SUSD6: variants seen among roughly 807,000 people sequenced by gnomAD.
SUSD6 encodes the protein sushi domain containing 6, also known as sushi domain-containing protein 6.
Under a neutral mutation model 28.4 loss-of-function variants are expected in SUSD6, and 16 were observed. The observed-to-expected ratio is 0.56, with a 90% CI of 0.38 to 0.86. SUSD6 has a LOEUF of 0.86. Among genes scored for constraint, SUSD6 ranks in the 40% least tolerant of loss-of-function variants. The pLI is 0.00. For missense variants in SUSD6, 341 were observed against 384.2 expected (o/e 0.89, Z 0.94); for synonymous variants, 147 against 159.6 (o/e 0.92, Z 0.59).
chr14:69,659,859 A>G (rs573448720), intron 2 of SUSD6, among the ~76,000 whole-genome samples: 7 of 152,154 alleles, frequency 4.6e-5, no homozygotes, highest in African/African-American at 1.4e-4. Context: ...GTTGCCTTCA[A>G]CAGTGCTCCA....
chr14:69,635,606 C>CAG (rs1322648713), intron 1 of SUSD6, among the ~76,000 whole-genome samples: 1 of 115,636 alleles, frequency 8.6e-6, no homozygotes, highest in Admixed American at 8.0e-5. Context: ...CACACACACA[C>CAG]ACACACACAC....
chr14:69,653,746 A>ATTTTTT (rs1885537738), intron 1 of SUSD6, among the ~76,000 whole-genome samples: 3 of 28,894 alleles, frequency 1.0e-4, no homozygotes, highest in South Asian at 3.3e-3. Context: ...ACCTAGTGAA[A>ATTTTTT]CTTTTTTTTT....
At chr14:69,707,045 A>G (rs1886396885) in intron 4 of SUSD6, among the ~76,000 whole-genome samples, 1 of 152,124 alleles carries the variant, frequency 6.6e-6, no homozygotes, top group Non-Finnish European at 1.5e-5. Context: ...TGAAAGAAAA[A>G]CTATAGTGGA....
intron 2 of SUSD6, among the ~76,000 whole-genome samples, chr14:69,677,533 TGA>T (rs1054358371): frequency 2.3e-5 from 3 of 128,528 alleles, no homozygotes; most frequent in Admixed American, 8.8e-5. Flanking sequence ...GGCCACAGAG[TGA>T]GACTCCGTCT....
intron 2 of SUSD6, among the ~76,000 whole-genome samples, chr14:69,695,486 G>A (rs992124640): frequency 6.6e-6 from 1 of 152,182 alleles, no homozygotes; most frequent in African/African-American, 2.4e-5. Context: ...AGATCTCAGA[G>A]GTGATCTGGT....
At chr14:69,639,040 G>T (rs1035478540) in intron 1 of SUSD6, among the ~76,000 whole-genome samples, 1 of 152,084 alleles carries the variant, frequency 6.6e-6, no homozygotes, top group Non-Finnish European at 1.5e-5. Context: ...AGTAGATAAG[G>T]CCAGGCCGGG....
rs1416356852 is a variant in SUSD6, at chr14:69,639,334, A to AAG, written c.-80-19178_-80-19177insGA. 1.5e-4 allele frequency among the ~76,000 whole-genome samples: 22 copies of AAG among 150,860 alleles called. No individual in the cohort carries two copies. The South Asian group carries it at 4.0e-3, about 27-fold the overall frequency. On this transcript the variant is annotated intron_variant, in intron 1 of 5. Coordinates refer to ENST00000342745, the MANE Select transcript of SUSD6 (RefSeq NM_014734.4). The stretch of plus-strand genomic sequence containing the variant: ...GTCTCAAAAAAAAAAAAAAAAAAAA[A>AAG]AAAAAGAAATAAGGCCAAACCTAGC...
intron 2 of SUSD6, among the ~76,000 whole-genome samples, chr14:69,697,031 T>A (rs183147805): frequency 1.3e-5 from 2 of 152,314 alleles, no homozygotes; most frequent in East Asian, 3.9e-4. Flanking sequence ...AGAGGTGGAT[T>A]ATTCATTAGA....
Position 69,713,832 on chromosome 14 carries a change from G to GTTT in SUSD6, c.*2854_*2856dup, listed in dbSNP as rs1239320393. The GTTT allele has an allele frequency of 3.8e-5, 5 of 132,516 alleles. No homozygotes were observed. Among genetic ancestry groups the GTTT allele is most frequent in the African/African-American group, 1.5e-4 (5 of 33,776 alleles). 8.2% of individuals were successfully genotyped at this position (132,516 alleles called of 1,614,324 possible). ...GTTTTTTTGTTTGTTTGTTGTTGGT[G>GTTT]TTTGTTTTTTTTTTTTTTTTTTTGG... On this transcript the variant is annotated 3_prime_UTR_variant, in exon 6 of 6. Coordinates refer to ENST00000342745, the MANE Select transcript of SUSD6 (RefSeq NM_014734.4).
At chr14:69,665,303 C>G (rs111448151) in intron 2 of SUSD6, among the ~76,000 whole-genome samples, 1 of 152,124 alleles carries the variant, frequency 6.6e-6, no homozygotes, top group African/African-American at 2.4e-5. Context: ...TGCAGTGGCT[C>G]TGTCACAGCT....
chr14:69,670,643 C>T (rs1885816767), intron 2 of SUSD6: 3 of 419,016 alleles, frequency 7.2e-6, no homozygotes, highest in East Asian at 7.2e-5. Context: ...TCGAACTCTA[C>T]GTCCCTCAGT....
At position 69,714,224 on chromosome 14, in the gene SUSD6, G is replaced by C. The variant is rs1413718682; in HGVS notation, c.*3245G>C. 1 of 152,146 alleles carries C rather than the reference G, an allele frequency of 6.6e-6. No homozygotes were observed. The highest frequency in any genetic ancestry group is 2.4e-5 in the African/African-American group (1 of 41,402). 9.4% of individuals were successfully genotyped at this position (152,146 alleles called of 1,614,324 possible). ...CTCCCGCCAGCTTTAAAGTTCAGTG[G>C]AGAAGCCAGATGGCAATTCAGACAA... On this transcript the variant is annotated 3_prime_UTR_variant, in exon 6 of 6. Transcript: ENST00000342745.
intron 1 of SUSD6, among the ~76,000 whole-genome samples, chr14:69,656,723 A>G (rs1326031345): frequency 2.6e-5 from 4 of 152,198 alleles, no homozygotes; most frequent in East Asian, 3.8e-4. Flanking sequence ...TACTATCCCT[A>G]TTTTACAGAT....
intron 2 of SUSD6, among the ~76,000 whole-genome samples, chr14:69,678,824 A>G (rs12100899): frequency 0.04 from 6,042 of 152,232 alleles, 393 homozygotes; most frequent in African/African-American, 0.14. Flanking sequence ...AATAGTTAAC[A>G]AAAGAAAAGA....
At chr14:69,710,054 TCAA>T (rs1886441212) in intron 5 of SUSD6, among the ~76,000 whole-genome samples, 1 of 152,260 alleles carries the variant, frequency 6.6e-6, no homozygotes, top group African/African-American at 2.4e-5. Flanking sequence ...TTCCTGGTTA[TCAA>T]CATCTTGCCT....
chr14:69,687,418 T>C (rs1369787868), intron 2 of SUSD6, among the ~76,000 whole-genome samples: 1 of 152,236 alleles, frequency 6.6e-6, no homozygotes, highest in Non-Finnish European at 1.5e-5. Context: ...GCCTAGCTTA[T>C]GATTTTAAGC....
At chr14:69,696,438 C>G (rs531951497) in intron 2 of SUSD6, among the ~76,000 whole-genome samples, 1 of 152,198 alleles carries the variant, frequency 6.6e-6, no homozygotes, top group East Asian at 1.9e-4. Context: ...ATTGACCTTG[C>G]TTTTTCTCTG....
intron 1 of SUSD6, among the ~76,000 whole-genome samples, chr14:69,621,292 T>C (rs1885036956): frequency 1.3e-5 from 2 of 152,180 alleles, no homozygotes; most frequent in African/African-American, 2.4e-5. Context: ...AGTGGTATTA[T>C]TGATGAAATT....
chr14:69,613,814 A>G (rs573104344), intron 1 of SUSD6, among the ~76,000 whole-genome samples: 5 of 152,314 alleles, frequency 3.3e-5, no homozygotes, highest in Non-Finnish European at 5.9e-5. Context: ...ACAAATCCTC[A>G]CTTACACCTA....
Sources: gnomAD v4.1 joint callset for allele counts (sites outside exome capture counted in the v4.1 genomes callset) on GRCh38, gnomAD v4.1.1 for gene constraint, MANE v1.5 for transcripts, NCBI Gene and HGNC (gene_info 2026-07-23, HGNC 2026-07-21) for gene names.